GOLT1B: variants seen among roughly 807,000 people sequenced by gnomAD.
GOLT1B encodes vesicle transport protein GOT1B.
Under a neutral mutation model 15.4 loss-of-function variants are expected in GOLT1B, and 3 were observed. The observed-to-expected ratio is 0.19, with a 90% CI of 0.09 to 0.50. The LOEUF is 0.50. GOLT1B is among the 20% of genes least tolerant of loss of function. The pLI is 0.97. For missense variants in GOLT1B, 145 were observed against 160.4 expected (o/e 0.90, Z 0.52); for synonymous variants, 65 against 56.2 (o/e 1.16, Z -0.70).
chr12:21,503,246 A>C (rs563298400), intron 1 of GOLT1B, among the ~76,000 whole-genome samples: 55 of 152,344 alleles, frequency 3.6e-4, no homozygotes, highest in African/African-American at 1.3e-3. Context: ...TTTCATGTGA[A>C]TCATTATGCA....
Position 21,512,078 on chromosome 12 carries a change from A to G in GOLT1B, c.297-217A>G, listed in dbSNP as rs147470526. ...TGGAGAAATCTTCAGCAGTTGAGCT[A>G]ACTCATAATCTGAGTTATATATAGC... On this transcript the variant is annotated intron_variant, in intron 3 of 4. Transcript: ENST00000229314. 5.5e-4 allele frequency among the ~76,000 whole-genome samples: 84 copies of G among 152,348 alleles called. No homozygotes were observed. The East Asian group carries it at 0.012, about 22-fold the overall frequency.
intron 1 of GOLT1B, chr12:21,504,597 T>C (rs1276941352): frequency 2.0e-6 from 1 of 508,374 alleles, no homozygotes; most frequent in Non-Finnish European, 3.9e-6. Flanking sequence ...CCTGCCTCCA[T>C]ACCACCAGCA....
intron 1 of GOLT1B, among the ~76,000 whole-genome samples, chr12:21,504,907 T>G (rs1172819904): frequency 6.6e-6 from 1 of 152,158 alleles, no homozygotes; most frequent in Non-Finnish European, 1.5e-5. Flanking sequence ...TACTCCAGTG[T>G]CCTTGAGTTT....
rs991290460 is a variant in GOLT1B at position 21,515,999 on chromosome 12, C to T, written c.*292C>T. The T allele has an allele frequency of 3.6e-5, 10 of 277,054 alleles. No individual in the cohort carries two copies. The highest frequency in any genetic ancestry group is 5.5e-5 in the Admixed American group (1 of 18,292). The allele number at this position is 277,054 out of a possible 1,614,324, so 17.2% of individuals were successfully genotyped here. ...ATTTGTGTTGTTTTTCCACAATGTG[C>T]GAAACTCAGCCATCCTTAGAGAACT... On this transcript the variant is annotated 3_prime_UTR_variant, in exon 5 of 5. Coordinates refer to ENST00000229314, the MANE Select transcript of GOLT1B (RefSeq NM_016072.5).
intron 3 of GOLT1B, among the ~76,000 whole-genome samples, chr12:21,509,649 T>C (rs1462037360): frequency 6.6e-6 from 1 of 152,152 alleles, no homozygotes; most frequent in Non-Finnish European, 1.5e-5. Context: ...GTATGCAGAA[T>C]ATTGTGGAAG....
chr12:21,507,112 A>T, intron 2 of GOLT1B, 136 bp downstream of exon 2: 1 of 670,584 alleles, frequency 1.5e-6, no homozygotes, highest in Non-Finnish European at 2.7e-6. Flanking sequence ...CTCTATTTCC[A>T]TCAGGAATGA....
At chr12:21,504,478 A>G in intron 1 of GOLT1B, 1 of 458,790 alleles carries the variant, frequency 2.2e-6, no homozygotes, top group East Asian at 6.7e-5. Context: ...CTCCCGCTGG[A>G]CTGTACTGGA....
chr12:21,508,321 G>A lies in GOLT1B; in HGVS notation c.118-62G>A, dbSNP rs563895527. ...TTTTTATATTTAGCTTTGACTTTAC[G>A]TTTAAAATTTATGCATTGTGTTTAA... is the stretch of plus-strand genomic sequence containing the variant. On this transcript the variant is annotated intron_variant, in intron 2 of 4. Coordinates refer to ENST00000229314, the MANE Select transcript of GOLT1B (RefSeq NM_016072.5). 2.1e-5 allele frequency: 21 copies of A among 998,506 alleles called. No individual in the cohort carries two copies. In the African/African-American group the frequency reaches 2.1e-4, roughly 10 times the overall value. 61.9% of individuals were successfully genotyped at this position (998,506 alleles called of 1,614,324 possible).
Position 21,501,947 on chromosome 12 carries a change from G to A in GOLT1B, c.24G>A (p.Gln8=). The A allele has an allele frequency of 1.2e-6, 2 of 1,608,696 alleles. No homozygotes were observed. The highest frequency in any genetic ancestry group is 1.7e-6 in the Non-Finnish European group (2 of 1,175,258). ...CCATGATCTCCTTAACGGACACGCA[G>A]AGTAAGCACCTGCTCCGGGGCCCCC... MISLTDT[Q]KIGMGLTGFG... The change falls in exon 1 of 5, where the codon CAG becomes CAA. Residue 8 remains glutamine, a splice_region_variant and synonymous_variant. Coordinates refer to ENST00000229314, the MANE Select transcript of GOLT1B (RefSeq NM_016072.5).
chr12:21,516,715 T>TG lies in GOLT1B; in HGVS notation c.*1008_*1009insG, dbSNP rs1943758243. On this transcript the variant is annotated 3_prime_UTR_variant, in exon 5 of 5. Coordinates refer to ENST00000229314, the MANE Select transcript of GOLT1B (RefSeq NM_016072.5). ...CATGTTAAAAGGTTAAACTTATGGCTATTTTTAAAGGGCTATTCATTTAAT... is the reference window on the plus strand; with the variant it reads ...CATGTTAAAAGGTTAAACTTATGGCTGATTTTTAAAGGGCTATTCATTTAAT... The TG allele has an allele frequency of 6.6e-6, 1 of 152,070 alleles. No homozygotes were observed. Among genetic ancestry groups the TG allele is most frequent in the African/African-American group, 2.4e-5 (1 of 41,442 alleles). 9.4% of individuals were successfully genotyped at this position (152,070 alleles called of 1,614,324 possible).
chr12:21,515,773 C>A lies in GOLT1B; in HGVS notation c.*66C>A. ...TTTATAAAGTCATTTGAAGAATATTCAGCACAAAATTAAATTACATGAAAT... is the reference window on the plus strand; with the variant it reads ...TTTATAAAGTCATTTGAAGAATATTAAGCACAAAATTAAATTACATGAAAT... On this transcript the variant is annotated 3_prime_UTR_variant, in exon 5 of 5. Transcript: ENST00000229314. 1 of 769,916 alleles carries A rather than the reference C, an allele frequency of 1.3e-6. No homozygotes were observed. The highest frequency in any genetic ancestry group is 1.6e-5 in the South Asian group (1 of 62,488). 47.7% of individuals were successfully genotyped at this position (769,916 alleles called of 1,614,324 possible).
chr12:21,507,514 A>ATGTG (rs148998436), intron 2 of GOLT1B, among the ~76,000 whole-genome samples: 30,712 of 147,510 alleles, frequency 0.21, 5,137 homozygotes, highest in African/African-American at 0.45. Flanking sequence ...AAGACACTGT[A>ATGTG]TGTGTGTGTG....
chr12:21,509,631 A>G (rs559395563), intron 3 of GOLT1B, among the ~76,000 whole-genome samples: 1 of 152,326 alleles, frequency 6.6e-6, no homozygotes, highest in African/African-American at 2.4e-5. Context: ...TAATGCCATT[A>G]TAAATGTGTA....
chr12:21,516,515 G>A lies in GOLT1B; in HGVS notation c.*808G>A, dbSNP rs900107743. ...AATGAAGTAGTTTGTTTCATAGCTT[G>A]TCTCATTGAATAGTATTATTGAAGA... On this transcript the variant is annotated 3_prime_UTR_variant, in exon 5 of 5. Coordinates refer to ENST00000229314, the MANE Select transcript of GOLT1B (RefSeq NM_016072.5). 3.3e-5 allele frequency: 5 copies of A among 151,976 alleles called. No individual in the cohort carries two copies. Among genetic ancestry groups the A allele is most frequent in the African/African-American group, 1.2e-4 (5 of 41,392 alleles). The allele number at this position is 151,976 out of a possible 1,614,324, so 9.4% of individuals were successfully genotyped here. A position where few individuals can be genotyped will look rare whatever the true frequency, so the allele number is the denominator to read the frequency against.
rs1943760985 is a variant in GOLT1B, at chr12:21,516,994, C to T, written c.*1287C>T. On this transcript the variant is annotated 3_prime_UTR_variant, in exon 5 of 5. Coordinates refer to ENST00000229314, the MANE Select transcript of GOLT1B (RefSeq NM_016072.5). ...TCTTTAGTTTTACAAGATGTGACAGCTTTAGTGGTAGATGTAGGGAAACAT... is the reference window on the plus strand; with the variant it reads ...TCTTTAGTTTTACAAGATGTGACAGTTTTAGTGGTAGATGTAGGGAAACAT... 1 of 152,376 alleles carries T rather than the reference C, an allele frequency of 6.6e-6. No individual in the cohort carries two copies. Among genetic ancestry groups the T allele is most frequent in the Non-Finnish European group, 1.5e-5 (1 of 67,882 alleles). The allele number at this position is 152,376 out of a possible 1,614,324, so 9.4% of individuals were successfully genotyped here. A position where few individuals can be genotyped will look rare whatever the true frequency, so the allele number is the denominator to read the frequency against.
At position 21,517,302 on chromosome 12, in the gene GOLT1B, A is replaced by G. The variant is rs1943763314; in HGVS notation, c.*1595A>G. 6.6e-6 allele frequency: 1 copy of G among 152,416 alleles called. No homozygotes were observed. The highest frequency in any genetic ancestry group is 2.4e-5 in the African/African-American group (1 of 41,424). 9.4% of individuals were successfully genotyped at this position (152,416 alleles called of 1,614,324 possible). ...TTTTGGTACTTGCATTTGACTTACG[A>G]TGTATCTGTGAAAATGGGATGATAT... On this transcript the variant is annotated 3_prime_UTR_variant, in exon 5 of 5. Coordinates refer to ENST00000229314, the MANE Select transcript of GOLT1B (RefSeq NM_016072.5).
At chr12:21,507,131 A>G (rs1943684564) in intron 2 of GOLT1B, 155 bp downstream of exon 2, 3 of 661,726 alleles carry the variant, frequency 4.5e-6, no homozygotes, top group South Asian at 1.6e-5. Flanking sequence ...GAAACCTGTC[A>G]GCTTTCTGTT....
chr12:21,515,804 G>T lies in GOLT1B; in HGVS notation c.*97G>T. On this transcript the variant is annotated 3_prime_UTR_variant, in exon 5 of 5. Transcript: ENST00000229314. ...AAAATTAAATTACATGAAATAGCTT[G>T]TAATGTTCTTTACAGGAGTTTAAAA... The T allele has an allele frequency of 5.9e-6, 4 of 682,190 alleles. No homozygotes were observed. The highest frequency in any genetic ancestry group is 3.9e-4 in the Middle Eastern group (1 of 2,536). 42.3% of individuals were successfully genotyped at this position (682,190 alleles called of 1,614,324 possible).
intron 4 of GOLT1B, among the ~76,000 whole-genome samples, chr12:21,514,709 T>C (rs1274822891): frequency 2.6e-5 from 4 of 152,182 alleles, no homozygotes; most frequent in African/African-American, 9.6e-5. Context: ...CTAGAATGGC[T>C]TTTGAATGTA....
Sources: gnomAD v4.1 joint callset for allele counts (sites outside exome capture counted in the v4.1 genomes callset) on GRCh38, gnomAD v4.1.1 for gene constraint, MANE v1.5 for transcripts, NCBI Gene and HGNC (gene_info 2026-07-23, HGNC 2026-07-21) for gene names.